The following NR2C1 variants were observed in gnomAD, a reference collection of about 807,000 sequenced individuals.
The protein encoded by NR2C1 is TR2 nuclear hormone receptor.
A neutral mutation model predicts 74.8 loss-of-function variants in NR2C1; 33 were observed. The ratio of observed to expected loss-of-function variants is 0.44; its 90% CI spans 0.33 to 0.59. NR2C1 has a LOEUF of 0.59. Ranked by LOEUF, NR2C1 falls within the 20% of genes least tolerant of loss-of-function variation. The pLI is 0.02. For synonymous variants in NR2C1, 225 were observed against 240.6 expected, an observed-to-expected ratio of 0.94 and a Z score of 0.60; for missense variants, 568 against 715.6, an observed-to-expected ratio of 0.79 and a Z score of 2.35.
rs200022502 is a variant in NR2C1 at position 95,033,148 on chromosome 12, C to CAA, written c.1254-1662_1254-1661dup. ...AACCTGGCACAGGAAGACCCTGTCT[C>CAA]AAAAAAAAAAAAAAAATTGAGAAAG... On this transcript the variant is annotated intron_variant, in intron 10 of 13. Coordinates refer to ENST00000333003, the MANE Select transcript of NR2C1 (RefSeq NM_003297.4). 7.0e-4 allele frequency among the ~76,000 whole-genome samples: 59 copies of CAA among 84,094 alleles called. 1 individual carries two copies. The highest frequency in any genetic ancestry group is 2.1e-3 in the South Asian group (6 of 2,902). 55.2% of individuals were successfully genotyped at this position (84,094 alleles called of 152,430 possible).
rs1873667718 is a variant in NR2C1, at chr12:95,055,259, C to A, written c.783+2294G>T. On this transcript the variant is annotated intron_variant, in intron 7 of 13. Transcript: ENST00000333003. Reference sequence around the variant, plus strand: ...CATAACAATTTAATACAAAGATATACAAGAGAGCACAGTGTCTGGGCAGAG... The same window carrying A: ...CATAACAATTTAATACAAAGATATAAAAGAGAGCACAGTGTCTGGGCAGAG... Among the ~76,000 whole-genome samples, 7 of 152,176 alleles carry A rather than the reference C, an allele frequency of 4.6e-5. No individual in the cohort carries two copies. In the South Asian group the frequency reaches 1.4e-3, roughly 32 times the overall value.
At chr12:95,026,572 A>G (rs1869391387) in intron 12 of NR2C1, among the ~76,000 whole-genome samples, 1 of 152,228 alleles carries the variant, frequency 6.6e-6, no homozygotes, top group Non-Finnish European at 1.5e-5. Flanking sequence ...TAAACTTCAA[A>G]TCTATGTTCC....
In NR2C1 at chr12:95,022,321, T is replaced by C; in HGVS notation, c.1720A>G (p.Ile574Val). 6.2e-7 allele frequency: 1 copy of C among 1,613,606 alleles called. No individual in the cohort carries two copies. Among genetic ancestry groups the C allele is most frequent in the Non-Finnish European group, 8.5e-7 (1 of 1,179,708 alleles). ...ACACTGTCAATTCGTATATTGCCAA[T>C]GAGACCTTTGAAAAACAATTCTTCA... is the stretch of plus-strand genomic sequence containing the variant. ...ITEELFFKGL[I>V]GNIRIDSVIP... Residue 574 changes from isoleucine to valine, a missense_variant, in exon 14 of 14, where the codon ATT becomes GTT. Around this residue, in one of 6 missense-constraint regions of NR2C1, gnomAD observed 117 missense variants for 186.7 expected, o/e 0.63. Transcript: ENST00000333003.
intron 11 of NR2C1, chr12:95,030,974 C>G (rs542224407): frequency 1.0e-6 from 1 of 969,292 alleles, no homozygotes; most frequent in East Asian, 2.6e-5. Flanking sequence ...ATCAACCTAT[C>G]TTAGGATTCA....
chr12:95,066,750 T>C (rs1430820144), intron 2 of NR2C1, among the ~76,000 whole-genome samples: 1 of 152,208 alleles, frequency 6.6e-6, no homozygotes, highest in Non-Finnish European at 1.5e-5. Flanking sequence ...CATCATATAG[T>C]ATCATCACAT....
intron 12 of NR2C1, among the ~76,000 whole-genome samples, chr12:95,026,316 A>C (rs1592720476): frequency 6.6e-6 from 1 of 152,170 alleles, no homozygotes; most frequent in Non-Finnish European, 1.5e-5. Flanking sequence ...GTATATAAGA[A>C]ATTATGAAAC....
chr12:95,058,497 GA>G lies in NR2C1; in HGVS notation c.365-9del. On this transcript the variant is annotated splice_polypyrimidine_tract_variant and intron_variant, in intron 4 of 13. Transcript: ENST00000333003. ...CTGCTCCATAATGACGTCCTAGAGA[GA>G]AAATGTTTAAGAAAATATAAAAGTC... 6.3e-7 allele frequency: 1 copy of G among 1,598,418 alleles called. No individual in the cohort carries two copies.
chr12:95,060,257 T>C (rs1328120347), intron 3 of NR2C1, among the ~76,000 whole-genome samples: 1 of 152,212 alleles, frequency 6.6e-6, no homozygotes, highest in African/African-American at 2.4e-5. Context: ...GAGGTAATTA[T>C]AATCATGCAG....
At position 95,028,321 on chromosome 12, in the gene NR2C1, T is replaced by C. The variant is rs1869626077; in HGVS notation, c.1531+66A>G. ...ATTTTACATCCCCACTTGCAACATA[T>C]GAGGGCTTCTATTTCTCCACATCGT... On this transcript the variant is annotated intron_variant, in intron 12 of 13. Coordinates refer to ENST00000333003, the MANE Select transcript of NR2C1 (RefSeq NM_003297.4). The C allele has an allele frequency of 6.6e-6, 9 of 1,358,740 alleles. 1 individual carries two copies. The Admixed American group carries it at 1.5e-4, about 22-fold the overall frequency. The allele number at this position is 1,358,740 out of a possible 1,614,324, so 84.2% of individuals were successfully genotyped here.
intron 10 of NR2C1, among the ~76,000 whole-genome samples, chr12:95,038,810 T>C (rs1871170532): frequency 6.6e-6 from 1 of 152,212 alleles, no homozygotes; most frequent in African/African-American, 2.4e-5. Flanking sequence ...TAGTGTGTAC[T>C]TGGTTTTCTG....
At chr12:95,053,936 GC>G (rs1192667772) in intron 7 of NR2C1, among the ~76,000 whole-genome samples, 1 of 152,086 alleles carries the variant, frequency 6.6e-6, no homozygotes, top group African/African-American at 2.4e-5. Flanking sequence ...GCCCGCCTTG[GC>G]CTCCCAAAGT....
Position 95,059,986 on chromosome 12 carries a change from TA to T in NR2C1, c.286-3del, listed in dbSNP as rs79760875. On this transcript the variant is annotated splice_region_variant and splice_polypyrimidine_tract_variant and intron_variant, in intron 3 of 13. Coordinates refer to ENST00000333003, the MANE Select transcript of NR2C1 (RefSeq NM_003297.4). ...GTCTGGAGAATTATCTGTTAGGAGC[TA>T]AAAAAAAAAAAAAAAAAAAAGAAAA... 193,619 of 1,060,988 alleles carry T rather than the reference TA, an allele frequency of 0.18. 167 individuals are homozygous for T. The highest frequency in any genetic ancestry group is 0.2 in the Middle Eastern group (609 of 2,982). The allele number at this position is 1,060,988 out of a possible 1,614,324, so 65.7% of individuals were successfully genotyped here. A position where few individuals can be genotyped will look rare whatever the true frequency, so the allele number is the denominator to read the frequency against.
chr12:95,034,586 CTA>C (rs927997141), intron 10 of NR2C1, among the ~76,000 whole-genome samples: 3 of 152,292 alleles, frequency 2.0e-5, no homozygotes, highest in Admixed American at 6.5e-5. Context: ...CTCTAAGAAA[CTA>C]TGTTATAGAA....
At chr12:95,046,068 GAC>G (rs1368762388) in intron 9 of NR2C1, among the ~76,000 whole-genome samples, 1 of 152,106 alleles carries the variant, frequency 6.6e-6, no homozygotes, top group Admixed American at 6.5e-5. Flanking sequence ...TCGAACTCCT[GAC>G]CTCAGGTGAT....
At chr12:95,030,208 T>C (rs934617143) in intron 11 of NR2C1, among the ~76,000 whole-genome samples, 2 of 152,272 alleles carry the variant, frequency 1.3e-5, no homozygotes, top group East Asian at 1.9e-4. Context: ...TTTGAGAAGA[T>C]AGGATGTAAA....
Position 95,040,427 on chromosome 12 carries a change from C to T in NR2C1, c.1253+49G>A, listed in dbSNP as rs778536671. 6 of 1,557,460 alleles carry T rather than the reference C, an allele frequency of 3.9e-6. No homozygotes were observed. In the East Asian group the frequency reaches 9.1e-5, roughly 24 times the overall value. On this transcript the variant is annotated intron_variant, in intron 10 of 13. Coordinates refer to ENST00000333003, the MANE Select transcript of NR2C1 (RefSeq NM_003297.4). ...AAAATAAAAAGTTTTGTTTAATGTA[C>T]ATTTGCACTACAAAATCACATTTAT...
rs1448545192 is a variant in NR2C1, at chr12:95,031,249, C to T, written c.1393+100G>A. 6.0e-6 allele frequency: 6 copies of T among 994,296 alleles called. No homozygotes were observed. In the African/African-American group the frequency reaches 1.0e-4, roughly 17 times the overall value. The allele number at this position is 994,296 out of a possible 1,614,324, so 61.6% of individuals were successfully genotyped here. A position where few individuals can be genotyped will look rare whatever the true frequency, so the allele number is the denominator to read the frequency against. On this transcript the variant is annotated intron_variant, in intron 11 of 13. Coordinates refer to ENST00000333003, the MANE Select transcript of NR2C1 (RefSeq NM_003297.4). Reference sequence around the variant, plus strand: ...AAGAAGAGCATTGGTACCTAAAACACTAATATAATAATTATTAGATATCTA... The same window carrying T: ...AAGAAGAGCATTGGTACCTAAAACATTAATATAATAATTATTAGATATCTA...
At chr12:95,058,633 TTTTA>T (rs1565868416) in intron 4 of NR2C1, 144 bp from the exon 5 acceptor site, 2 of 680,650 alleles carry the variant, frequency 2.9e-6, no homozygotes, top group African/African-American at 1.8e-5. Flanking sequence ...TAGAAGTTAT[TTTTA>T]TTTATCATAA....
intron 8 of NR2C1, among the ~76,000 whole-genome samples, chr12:95,050,714 C>T (rs912872089): frequency 6.6e-6 from 1 of 151,734 alleles, no homozygotes; most frequent in Non-Finnish European, 1.5e-5. Context: ...CCTCAGCCTC[C>T]TATACACTAA....
Sources: gnomAD v4.1 joint callset for allele counts (sites outside exome capture counted in the v4.1 genomes callset) on GRCh38, gnomAD v4.1.1 for gene constraint, gnomAD v4.1.1 regional missense constraint, MANE v1.5 for transcripts, NCBI Gene and HGNC (gene_info 2026-07-23, HGNC 2026-07-21) for gene names.